PAN2: variants seen among roughly 807,000 people sequenced by gnomAD.
The protein encoded by PAN2 is poly(A) specific ribonuclease subunit PAN2.
Under a neutral mutation model 133.3 loss-of-function variants are expected in PAN2, and 68 were observed. The observed-to-expected ratio is 0.51, with a 90% CI of 0.42 to 0.62. PAN2 has a LOEUF of 0.62. PAN2 is among the 20% of genes least tolerant of loss of function. The pLI, the probability that PAN2 is intolerant of heterozygous loss-of-function variation, is 0.00. For synonymous variants in PAN2, 462 were observed against 544.6 expected (o/e 0.85, Z 2.11); for missense variants, 1,042 against 1,500.5 (o/e 0.69, Z 5.05).
At chr12:56,328,162 A>G in intron 4 of PAN2, 76 bp downstream of exon 4, 2 of 1,601,100 alleles carry the variant, frequency 1.2e-6, no homozygotes, top group Non-Finnish European at 1.7e-6. Context: ...TCTCAGGCAC[A>G]TTACCAGCCC....
At chr12:56,329,735 G>C (rs1875529351) in intron 2 of PAN2, among the ~76,000 whole-genome samples, 1 of 151,608 alleles carries the variant, frequency 6.6e-6, no homozygotes, top group Admixed American at 6.6e-5. Context: ...CTTGAGGCCA[G>C]GAGTTTGACA....
At position 56,327,481 on chromosome 12, in the gene PAN2, T is replaced by C; in HGVS notation, c.802A>G (p.Lys268Glu). Residue 268 changes from lysine (K) to glutamate (E), a missense_variant, in exon 6 of 26, where the codon AAG becomes GAG. Physicochemically the swap from Lys to Glu is moderately conservative, Grantham distance 56. This residue lies in a region of PAN2 where 908 missense variants were observed against 1,223.5 expected (regional missense o/e 0.74). Coordinates refer to ENST00000440411, the MANE Select transcript of PAN2 (RefSeq NM_014871.6). Reference sequence around the variant, plus strand: ...CGCATCATGCGCAAATCATACACCTTGAGGAAACGGTCGCAGGCCAGGCCA... The same window carrying C: ...CGCATCATGCGCAAATCATACACCTCGAGGAAACGGTCGCAGGCCAGGCCA... ...LTGLACDRFL[K>E]VYDLRMMRAI... The C allele has an allele frequency of 1.2e-6, 2 of 1,614,190 alleles. No homozygotes were observed. Among genetic ancestry groups the C allele is most frequent in the Non-Finnish European group, 8.5e-7 (1 of 1,180,040 alleles).
At chr12:56,330,359 T>TTC (rs1875649484) in intron 2 of PAN2, among the ~76,000 whole-genome samples, 1 of 99,630 alleles carries the variant, frequency 1.0e-5, no homozygotes, top group South Asian at 3.8e-4. Context: ...TTTTCTTTTT[T>TTC]TTTTTTTTTT....
chr12:56,326,168 G>T, intron 8 of PAN2, 145 bp downstream of exon 8: 1 of 660,714 alleles, frequency 1.5e-6, no homozygotes, highest in African/African-American at 1.8e-5. Context: ...CTCTATCTTT[G>T]AATCCTCCCT....
intron 9 of PAN2, 93 bp downstream of exon 9, chr12:56,325,242 G>A (rs1874983643): frequency 6.3e-7 from 1 of 1,580,110 alleles, no homozygotes; most frequent in East Asian, 2.2e-5. Context: ...GTAGTTGAAG[G>A]CCTCCTGACT....
Position 56,323,924 on chromosome 12 carries a change from A to G in PAN2, c.2066-11T>C. On this transcript the variant is annotated splice_polypyrimidine_tract_variant and intron_variant, in intron 13 of 25. Coordinates refer to ENST00000440411, the MANE Select transcript of PAN2 (RefSeq NM_014871.6). ...TCTTCCCAGTTTTATCTGAGGGAAA[A>G]TTAGATGCTATACTCCTGGTTCTCC... The G allele has an allele frequency of 6.2e-7, 1 of 1,609,208 alleles. No homozygotes were observed. The highest frequency in any genetic ancestry group is 2.2e-5 in the East Asian group (1 of 44,844).
chr12:56,322,765 G>C lies in PAN2; in HGVS notation c.2494-7C>G, dbSNP rs369309492. ...CTGCCCTGGCTGGGCCCCACTGTGA[G>C]GGGGGTACCCAGGCTGCTAAGCTAA... On this transcript the variant is annotated splice_region_variant and splice_polypyrimidine_tract_variant and intron_variant, in intron 17 of 25. Transcript: ENST00000440411. The C allele has an allele frequency of 2.9e-5, 47 of 1,610,166 alleles. No individual in the cohort carries two copies. Among genetic ancestry groups the C allele is most frequent in the Non-Finnish European group, 3.7e-5 (44 of 1,178,968 alleles).
At chr12:56,328,665 G>C (rs755781294) in intron 2 of PAN2, 24 bp from the exon 3 acceptor site, 7 of 1,608,772 alleles carry the variant, frequency 4.4e-6, no homozygotes, top group Non-Finnish European at 6.0e-6. Flanking sequence ...AGACAACAGA[G>C]ACACTTAGAG....
At position 56,330,353 on chromosome 12, in the gene PAN2, C is replaced by CTTTTTTTTT. The variant is rs10525866; in HGVS notation, c.283-1721_283-1713dup. Among the ~76,000 whole-genome samples the CTTTTTTTTT allele has an allele frequency of 3.3e-4, 31 of 92,648 alleles. 1 individual carries two copies. Among genetic ancestry groups the CTTTTTTTTT allele is most frequent in the Admixed American group, 5.1e-4 (3 of 5,906 alleles). 60.8% of individuals were successfully genotyped at this position (92,648 alleles called of 152,430 possible). On this transcript the variant is annotated intron_variant, in intron 2 of 25. Transcript: ENST00000440411. ...AACCCCCTTACTCAACTGTATTTTT[C>CTTTTTTTTT]TTTTTTTTTTTTTTTTTTTTTTTTG...
chr12:56,324,851 AGAG>A (rs2135973052), intron 10 of PAN2, 142 bp from the exon 11 acceptor site: 2 of 1,357,106 alleles, frequency 1.5e-6, no homozygotes, highest in South Asian at 1.4e-5. Context: ...GGTGGAGCTC[AGAG>A]GAGACTTGAA....
chr12:56,332,721 G>C, intron 2 of PAN2, 92 bp downstream of exon 2: 1 of 1,310,074 alleles, frequency 7.6e-7, no homozygotes, highest in Non-Finnish European at 1.1e-6. Context: ...CAACTCCTCG[G>C]TACTGGCTAT....
intron 11 of PAN2, 23 bp from the exon 12 acceptor site, chr12:56,324,516 G>A (rs765094305): frequency 1.2e-6 from 2 of 1,612,536 alleles, no homozygotes; most frequent in Admixed American, 3.3e-5. Flanking sequence ...TGGTGGAAAG[G>A]GGTTATTTTG....
chr12:56,318,433 G>A lies in PAN2; in HGVS notation c.3366C>T (p.Asp1122=), dbSNP rs149948309. Residue 1122 remains aspartate, a splice_region_variant and synonymous_variant, in exon 25 of 26, where the codon GAC becomes GAT. Transcript: ENST00000440411. ...SLRFLAWYFL[D]LKIQGETHDS... The stretch of plus-strand genomic sequence containing the variant: ...CATGGGTTTCCCCTTGAATCTTCAG[G>A]TCTGGGGTAAGTAAAGGTGGAATAG... 1.2e-6 allele frequency: 2 copies of A among 1,612,682 alleles called. No individual in the cohort carries two copies. The highest frequency in any genetic ancestry group is 1.7e-6 in the Non-Finnish European group (2 of 1,178,820).
At chr12:56,329,180 C>G (rs182317692) in intron 2 of PAN2, among the ~76,000 whole-genome samples, 80 of 152,254 alleles carry the variant, frequency 5.3e-4, no homozygotes, top group Admixed American at 1.2e-3. Context: ...CTCATGACAT[C>G]CTAAATTAAA....
chr12:56,326,751 C>G lies in PAN2; in HGVS notation c.1128G>C (p.Leu376Phe). 6.2e-7 allele frequency: 1 copy of G among 1,614,186 alleles called. No individual in the cohort carries two copies. The highest frequency in any genetic ancestry group is 8.5e-7 in the Non-Finnish European group (1 of 1,180,046). ...GAGGCAGTGAGTCCACGAGACACGG[C>G]AAAGCAAACTCAGTCTCACGGGAGT... is the stretch of plus-strand genomic sequence containing the variant. ...NPYSRETEFA[L>F]PCLVDSLPPL... is the part of the protein sequence containing the mutation. Residue 376 changes from leucine to phenylalanine, a missense_variant, in exon 7 of 26, where the codon TTG (leucine) becomes TTC (phenylalanine). Leu to Phe is a conservative substitution (Grantham distance 22). Around this residue, in one of 3 missense-constraint regions of PAN2, gnomAD observed 908 missense variants for 1,223.5 expected, o/e 0.74. Coordinates refer to ENST00000440411, the MANE Select transcript of PAN2 (RefSeq NM_014871.6).
rs1229517745 is a variant in PAN2 at position 56,328,436 on chromosome 12, T to G, written c.452+36A>C. ...CTTAGCCTTCCCACCCTATGAGGCA[T>G]CCTCGTTCCTAGTCCAGAGCTGAGA... On this transcript the variant is annotated intron_variant, in intron 3 of 25. Coordinates refer to ENST00000440411, the MANE Select transcript of PAN2 (RefSeq NM_014871.6). 3 of 1,610,788 alleles carry G rather than the reference T, an allele frequency of 1.9e-6. No homozygotes were observed. The South Asian group carries it at 3.3e-5, about 18-fold the overall frequency.
chr12:56,320,368 T>A (rs889739576), intron 20 of PAN2, among the ~76,000 whole-genome samples: 5 of 152,182 alleles, frequency 3.3e-5, no homozygotes, highest in Non-Finnish European at 5.9e-5. Context: ...CCAGGCGCGG[T>A]GGCTAATGCC....
intron 8 of PAN2, among the ~76,000 whole-genome samples, chr12:56,325,686 C>T (rs1448298710): frequency 6.6e-6 from 1 of 152,212 alleles, no homozygotes; most frequent in Non-Finnish European, 1.5e-5. Flanking sequence ...TCCAGCACAC[C>T]ACTACCAAAT....
Position 56,332,804 on chromosome 12 carries a change from A to G in PAN2, c.282+9T>C. ...TCTTTCAACCCTCACAAAGGGGTAC[A>G]GTTCTTACCCCGTGGCTCCCCACCC... is the stretch of plus-strand genomic sequence containing the variant. On this transcript the variant is annotated intron_variant, in intron 2 of 25. Transcript: ENST00000440411. The G allele has an allele frequency of 6.2e-7, 1 of 1,612,836 alleles. No homozygotes were observed. The highest frequency in any genetic ancestry group is 8.5e-7 in the Non-Finnish European group (1 of 1,178,910).
Sources: allele counts gnomAD v4.1 joint callset (sites outside exome capture counted in the v4.1 genomes callset), GRCh38; gene constraint gnomAD v4.1.1; regional missense constraint gnomAD v4.1.1; transcripts MANE v1.5; gene names NCBI Gene and HGNC (gene_info 2026-07-23, HGNC 2026-07-21).